SHROOM2: variants seen among roughly 807,000 people sequenced by gnomAD.
SHROOM2 encodes shroom family member 2.
In SHROOM2, 33 loss-of-function variants were observed where a neutral mutation model predicts 75.9. The ratio of observed to expected loss-of-function variants is 0.43; its 90% CI spans 0.33 to 0.58. The LOEUF is 0.58. Among genes scored for constraint, SHROOM2 ranks in the 20% least tolerant of loss-of-function variants. The pLI, the probability that SHROOM2 is intolerant of heterozygous loss-of-function variation, is 0.04. For synonymous variants in SHROOM2, 655 were observed against 663.6 expected, an observed-to-expected ratio of 0.99 and a Z score of 0.20; for missense variants, 1,434 against 1,461.2, an observed-to-expected ratio of 0.98 and a Z score of 0.30.
rs1181815816 is a variant in SHROOM2 at position 9,884,368 on chromosome X, CT to C, written c.318-6588del. ...ACACTCGTGATTTTTTTTTTCTTTT[CT>C]TTTTTTTTTTTTTTTTTTTTAGTTT... On this transcript the variant is annotated intron_variant, in intron 2 of 9. Coordinates refer to ENST00000380913, the MANE Select transcript of SHROOM2 (RefSeq NM_001649.4). 1.5e-3 allele frequency among the ~76,000 whole-genome samples: 96 copies of C among 62,284 alleles called. No homozygotes were observed. The South Asian group carries it at 0.017, about 11-fold the overall frequency. The allele number at this position is 62,284 out of a possible 115,157, so 54.1% of individuals were successfully genotyped here. A position where few individuals can be genotyped will look rare whatever the true frequency, so the allele number is the denominator to read the frequency against.
chrX:9,814,798 A>G (rs2146743712), intron 1 of SHROOM2, among the ~76,000 whole-genome samples: 1 of 111,907 alleles, frequency 8.9e-6, no homozygotes, highest in Admixed American at 9.5e-5. Flanking sequence ...CACCGTCCCC[A>G]TTCCAAGTTG....
At chrX:9,858,621 G>A (rs764205218) in intron 1 of SHROOM2, among the ~76,000 whole-genome samples, 3 of 111,168 alleles carry the variant, frequency 2.7e-5, no homozygotes, top group South Asian at 7.6e-4. Context: ...GGCCAACATG[G>A]TGAAACCCCG....
intron 1 of SHROOM2, among the ~76,000 whole-genome samples, chrX:9,802,283 G>A (rs928388449): frequency 2.7e-5 from 3 of 111,426 alleles, no homozygotes; most frequent in South Asian, 3.8e-4. Flanking sequence ...CAGCATATCC[G>A]CATCACCTGG....
intron 1 of SHROOM2, among the ~76,000 whole-genome samples, chrX:9,808,180 G>A (rs2083766633): frequency 1.8e-5 from 2 of 111,348 alleles, no homozygotes; most frequent in African/African-American, 6.5e-5. Flanking sequence ...GTGCTGTGCA[G>A]CCTGGGAGTT....
At chrX:9,910,588 G>C (rs1320998922) in intron 5 of SHROOM2, among the ~76,000 whole-genome samples, 6 of 109,695 alleles carry the variant, frequency 5.5e-5, no homozygotes, top group Non-Finnish European at 1.1e-4. Context: ...AGGCTGAGGC[G>C]GGCGTATCAC....
At chrX:9,878,634 C>T (rs2084214214) in intron 2 of SHROOM2, among the ~76,000 whole-genome samples, 1 of 111,847 alleles carries the variant, frequency 8.9e-6, no homozygotes, top group Admixed American at 9.5e-5. Context: ...GCCCTGCAGC[C>T]CTAAGGTTGA....
intron 1 of SHROOM2, among the ~76,000 whole-genome samples, chrX:9,799,531 T>G (rs945637797): frequency 9.0e-6 from 1 of 111,659 alleles, no homozygotes; most frequent in Non-Finnish European, 1.9e-5. Context: ...GAATTTTTAA[T>G]TTTTAAATTA....
intron 2 of SHROOM2, among the ~76,000 whole-genome samples, chrX:9,874,385 G>A (rs963674862): frequency 8.9e-6 from 1 of 112,213 alleles, no homozygotes; most frequent in African/African-American, 3.2e-5. Context: ...CCACAAGAGT[G>A]TTGGTGATAT....
chrX:9,877,958 T>C (rs1019557702), intron 2 of SHROOM2, among the ~76,000 whole-genome samples: 1 of 111,409 alleles, frequency 9.0e-6, no homozygotes, highest in Non-Finnish European at 1.9e-5. Context: ...TGTTGCTGTC[T>C]TCTCTCTGAA....
chrX:9,833,852 C>T (rs186370708), intron 1 of SHROOM2, among the ~76,000 whole-genome samples: 155 of 111,383 alleles, frequency 1.4e-3, no homozygotes, highest in African/African-American at 4.9e-3. Context: ...TGAGATCCGA[C>T]GGCCTCCTTC....
chrX:9,797,685 C>G lies in SHROOM2; in HGVS notation c.165+10975C>G, dbSNP rs926487949. ...TGGTAATTTATTCACCCCCACCCCC[C>G]ACTTGCTCTTCCTTCTCCTCCCCGG... On this transcript the variant is annotated intron_variant, in intron 1 of 9. Coordinates refer to ENST00000380913, the MANE Select transcript of SHROOM2 (RefSeq NM_001649.4). 4.5e-5 allele frequency among the ~76,000 whole-genome samples: 5 copies of G among 112,161 alleles called. No homozygotes were observed. The South Asian group carries it at 1.5e-3, about 33-fold the overall frequency.
chrX:9,878,750 AC>A (rs2084215502), intron 2 of SHROOM2, among the ~76,000 whole-genome samples: 2 of 25,808 alleles, frequency 7.7e-5, no homozygotes, highest in Non-Finnish European at 1.5e-4. Flanking sequence ...CCAGCACCCC[AC>A]CCCCTCCAGA....
intron 1 of SHROOM2, among the ~76,000 whole-genome samples, chrX:9,862,563 G>A (rs183223591): frequency 1.5e-3 from 164 of 111,821 alleles, no homozygotes; most frequent in Admixed American, 2.7e-3. Flanking sequence ...AGCACCAGTG[G>A]AACTTGCTAG....
chrX:9,803,234 CT>C (rs2083734050), intron 1 of SHROOM2, among the ~76,000 whole-genome samples: 1 of 110,120 alleles, frequency 9.1e-6, no homozygotes, highest in African/African-American at 3.3e-5. Context: ...GCCACCACCC[CT>C]GGTAGCATCC....
intron 1 of SHROOM2, among the ~76,000 whole-genome samples, chrX:9,873,374 G>T (rs2084181307): frequency 8.9e-6 from 1 of 112,630 alleles, no homozygotes; most frequent in South Asian, 3.7e-4. Context: ...TCTGGTTAAA[G>T]GAGATCTAGA....
intron 8 of SHROOM2, among the ~76,000 whole-genome samples, chrX:9,941,787 T>A (rs185161454): frequency 1.8e-5 from 2 of 108,580 alleles, no homozygotes; most frequent in African/African-American, 3.3e-5. Context: ...CTGGCTAACA[T>A]GGTGAAACCC....
At chrX:9,858,799 C>T (rs1285046946) in intron 1 of SHROOM2, among the ~76,000 whole-genome samples, 1 of 111,605 alleles carries the variant, frequency 9.0e-6, no homozygotes, top group Non-Finnish European at 1.9e-5. Flanking sequence ...GAGCAATACT[C>T]TGTCTCAAAA....
chrX:9,860,208 G>A (rs747480206), intron 1 of SHROOM2, among the ~76,000 whole-genome samples: 2 of 111,807 alleles, frequency 1.8e-5, no homozygotes, highest in African/African-American at 3.3e-5. Flanking sequence ...CAGCCCTCAC[G>A]GCAAAGAATG....
chrX:9,857,032 G>A (rs1036600999), intron 1 of SHROOM2, among the ~76,000 whole-genome samples: 1 of 112,235 alleles, frequency 8.9e-6, no homozygotes, highest in African/African-American at 3.2e-5. Flanking sequence ...AGAGGAGGAC[G>A]TCAGTTCCAA....
Sources: allele counts gnomAD v4.1 joint callset (sites outside exome capture counted in the v4.1 genomes callset), GRCh38; gene constraint gnomAD v4.1.1; transcripts MANE v1.5; gene names NCBI Gene and HGNC (gene_info 2026-07-23, HGNC 2026-07-21).